Variants in KAZN observed in about 807,000 individuals in gnomAD.
The protein encoded by KAZN is kazrin.
In KAZN, 40 loss-of-function variants were observed where a neutral mutation model predicts 87.4. The ratio of observed to expected loss-of-function variants is 0.46; its 90% CI spans 0.36 to 0.60. KAZN has a LOEUF of 0.60. KAZN is among the 20% of genes least tolerant of loss of function. The pLI is 0.00. For missense variants in KAZN, 898 were observed against 1,073.9 expected (o/e 0.84, Z 2.29); for synonymous variants, 466 against 458.3 (o/e 1.02, Z -0.22).
At chr1:14,777,158 T>TG (rs1322537550) in intron 1 of KAZN, among the ~76,000 whole-genome samples, 1 of 69,940 alleles carries the variant, frequency 1.4e-5, no homozygotes, top group Admixed American at 1.8e-4. Context: ...CAGCTAATTT[T>TG]TTTTTTTTTT....
chr1:13,900,510 A>G (rs561639852), intron 1 of KAZN, among the ~76,000 whole-genome samples: 57 of 152,328 alleles, frequency 3.7e-4, no homozygotes, highest in African/African-American at 1.3e-3. Context: ...GGAAAAAGCA[A>G]CAGGGTGAAG....
At chr1:14,196,108 G>A (rs1051858774) in intron 2 of KAZN, among the ~76,000 whole-genome samples, 2 of 152,158 alleles carry the variant, frequency 1.3e-5, no homozygotes, top group African/African-American at 4.8e-5. Flanking sequence ...TGAGTCAGGA[G>A]GATGTCTCAA....
chr1:14,399,188 T>C (rs966494831), intron 2 of KAZN, among the ~76,000 whole-genome samples: 9 of 151,998 alleles, frequency 5.9e-5, no homozygotes, highest in African/African-American at 2.2e-4. Flanking sequence ...TTTATATTTA[T>C]TTATTTTTAG....
intron 1 of KAZN, among the ~76,000 whole-genome samples, chr1:14,119,404 G>A (rs1173493150): frequency 1.3e-5 from 2 of 152,168 alleles, no homozygotes; most frequent in African/African-American, 4.8e-5. Context: ...TGGATGCTAA[G>A]GGGCAGCAAG....
chr1:14,556,039 T>A (rs1415877259), intron 2 of KAZN, among the ~76,000 whole-genome samples: 1 of 152,098 alleles, frequency 6.6e-6, no homozygotes, highest in Non-Finnish European at 1.5e-5. Flanking sequence ...GAAACCACAG[T>A]AGGAGTACAC....
intron 2 of KAZN, among the ~76,000 whole-genome samples, chr1:15,011,998 A>G (rs371926261): frequency 6.6e-6 from 1 of 152,216 alleles, no homozygotes. Context: ...TACACCCCCC[A>G]GCCTCAGGCT....
exon 1 of KAZN, chr1:13,892,936 G>A (rs950947822): frequency 6.6e-6 from 1 of 152,188 alleles, no homozygotes; most frequent in Non-Finnish European, 1.5e-5. Flanking sequence ...GAGGAGTGGG[G>A]AGCGGCAGGG....
intron 2 of KAZN, among the ~76,000 whole-genome samples, chr1:14,972,776 A>C (rs1665210682): frequency 6.6e-6 from 1 of 152,014 alleles, no homozygotes; most frequent in Non-Finnish European, 1.5e-5. Context: ...TGGCCTCCCA[A>C]AGTGCTGGGA....
chr1:14,296,883 T>C (rs913750151), intron 2 of KAZN, among the ~76,000 whole-genome samples: 2 of 152,134 alleles, frequency 1.3e-5, no homozygotes, highest in Admixed American at 1.3e-4. Flanking sequence ...CACCTCGGCT[T>C]CCCAAAGTGC....
chr1:13,947,154 G>C (rs559890831), intron 1 of KAZN, among the ~76,000 whole-genome samples: 1 of 152,322 alleles, frequency 6.6e-6, no homozygotes, highest in Non-Finnish European at 1.5e-5. Context: ...TTGACACACA[G>C]TTCCTCAGGG....
At chr1:14,987,100 A>G (rs1666897578) in intron 2 of KAZN, among the ~76,000 whole-genome samples, 1 of 152,142 alleles carries the variant, frequency 6.6e-6, no homozygotes, top group Non-Finnish European at 1.5e-5. Context: ...TAAATAGGTG[A>G]ATAGACAGTA....
chr1:14,130,331 C>A (rs964644337), intron 1 of KAZN, among the ~76,000 whole-genome samples: 2 of 152,150 alleles, frequency 1.3e-5, no homozygotes, highest in Non-Finnish European at 2.9e-5. Flanking sequence ...GCTAACCATG[C>A]CAGGCAGCTC....
At chr1:14,003,157 A>G (rs1269424073) in intron 1 of KAZN, among the ~76,000 whole-genome samples, 2 of 152,074 alleles carry the variant, frequency 1.3e-5, no homozygotes, top group Non-Finnish European at 2.9e-5. Flanking sequence ...GAACAATGAG[A>G]ACACATGGAC....
chr1:14,514,197 C>A (rs1161157886), intron 2 of KAZN, among the ~76,000 whole-genome samples: 1 of 141,406 alleles, frequency 7.1e-6, no homozygotes, highest in Non-Finnish European at 1.5e-5. Context: ...TGGTGGCAGG[C>A]GCCTATGGTC....
intron 2 of KAZN, among the ~76,000 whole-genome samples, chr1:14,332,056 A>G (rs1284307605): frequency 6.6e-6 from 1 of 152,190 alleles, no homozygotes; most frequent in Non-Finnish European, 1.5e-5. Context: ...CAGGCCACAT[A>G]TAGTCTCCAT....
chr1:14,743,297 A>T (rs913035211), intron 1 of KAZN, among the ~76,000 whole-genome samples: 1 of 151,758 alleles, frequency 6.6e-6, no homozygotes, highest in African/African-American at 2.4e-5. Flanking sequence ...GGGCGTGGTG[A>T]CACGTGCCTG....
At chr1:14,531,782 T>C (rs1339993771) in intron 2 of KAZN, among the ~76,000 whole-genome samples, 1 of 152,234 alleles carries the variant, frequency 6.6e-6, no homozygotes, top group African/African-American at 2.4e-5. Flanking sequence ...GAAACTAATA[T>C]TAGCAACAAA....
At chr1:14,025,564 C>T (rs1641033381) in intron 1 of KAZN, among the ~76,000 whole-genome samples, 1 of 152,014 alleles carries the variant, frequency 6.6e-6, no homozygotes, top group Admixed American at 6.6e-5. Flanking sequence ...TTCATATGCA[C>T]ACTAAATTTG....
At chr1:14,656,884 A>C (rs1008600231) in intron 1 of KAZN, among the ~76,000 whole-genome samples, 1 of 152,174 alleles carries the variant, frequency 6.6e-6, no homozygotes, top group African/African-American at 2.4e-5. Context: ...ACCATATCGC[A>C]TATCATCCTT....
Sources: allele counts gnomAD v4.1 joint callset (sites outside exome capture counted in the v4.1 genomes callset), GRCh38; gene constraint gnomAD v4.1.1; transcripts MANE v1.5; gene names NCBI Gene and HGNC (gene_info 2026-07-23, HGNC 2026-07-21).